THADA: variants seen among roughly 807,000 people sequenced by gnomAD.
The protein encoded by THADA is THADA armadillo repeat containing.
A neutral mutation model predicts 219.8 loss-of-function variants in THADA; 213 were observed. The ratio of observed to expected loss-of-function variants is 0.97; its 90% CI spans 0.87 to 1.09. The LOEUF (loss-of-function observed/expected upper bound fraction) is 1.09. Among genes scored for constraint, THADA ranks in the 50% least tolerant of loss-of-function variants. The probability of loss-of-function intolerance (pLI) is 0.00; values close to 1 mark genes in which losing one functional copy is unlikely to be tolerated. For synonymous variants in THADA, 1,018 were observed against 828.9 expected (o/e 1.23, Z -3.92); for missense variants, 2,956 against 2,311.3 (o/e 1.28, Z -5.72).
chr2:43,562,687 T>C (rs1698213889), intron 15 of THADA: 1 of 152,172 alleles, frequency 6.6e-6, no homozygotes, highest in African/African-American at 2.4e-5. Context: ...GCTTTGTAGA[T>C]TTCACCAGAG....
chr2:43,401,525 G>A (rs1328911795), intron 28 of THADA, among the ~76,000 whole-genome samples: 4 of 152,080 alleles, frequency 2.6e-5, no homozygotes, highest in Non-Finnish European at 2.9e-5. Flanking sequence ...TGATCCACTC[G>A]CCTCAGCCTC....
chr2:43,458,429 T>C (rs1683264456), intron 26 of THADA, among the ~76,000 whole-genome samples: 1 of 152,312 alleles, frequency 6.6e-6, no homozygotes, highest in East Asian at 1.9e-4. Context: ...CTTCTGAGCC[T>C]CAGTTTCCTC....
chr2:43,571,872 A>T lies in THADA; in HGVS notation c.1909-10T>A. On this transcript the variant is annotated splice_polypyrimidine_tract_variant and intron_variant, in intron 12 of 37. Coordinates refer to ENST00000405975, the MANE Select transcript of THADA (RefSeq NM_022065.5). Reference sequence around the variant, plus strand: ...ATGTATCTATCCTTACCTAAAAAACATCAAGCAATAAAATGTTAATTTTCC... The same window carrying T: ...ATGTATCTATCCTTACCTAAAAAACTTCAAGCAATAAAATGTTAATTTTCC... 3.7e-6 allele frequency: 6 copies of T among 1,610,664 alleles called. No individual in the cohort carries two copies. Among genetic ancestry groups the T allele is most frequent in the Non-Finnish European group, 5.1e-6 (6 of 1,178,562 alleles).
At chr2:43,236,651 C>T (rs1053204815) in intron 36 of THADA, among the ~76,000 whole-genome samples, 2 of 152,008 alleles carry the variant, frequency 1.3e-5, no homozygotes. Flanking sequence ...GAGACAAGAC[C>T]GTGTTGCTAC....
At chr2:43,548,804 T>C (rs1696387770) in intron 20 of THADA, among the ~76,000 whole-genome samples, 1 of 152,240 alleles carries the variant, frequency 6.6e-6, no homozygotes, top group Non-Finnish European at 1.5e-5. Flanking sequence ...GGGAACTCCC[T>C]GACCCCTTGC....
intron 12 of THADA, 69 bp from the exon 13 acceptor site, chr2:43,571,931 C>T (rs3752355): frequency 0.66 from 983,667 of 1,479,926 alleles, 335,004 homozygotes; most frequent in African/African-American, 0.88. Flanking sequence ...ACTTGAATTG[C>T]TTACTTACAT....
intron 31 of THADA, among the ~76,000 whole-genome samples, chr2:43,310,639 AG>A (rs1677398566): frequency 6.6e-6 from 1 of 152,248 alleles, no homozygotes; most frequent in Non-Finnish European, 1.5e-5. Context: ...AAACTTCCAG[AG>A]GAAAACATGG....
chr2:43,256,499 C>T (rs1206175266), intron 36 of THADA, among the ~76,000 whole-genome samples: 1 of 152,010 alleles, frequency 6.6e-6, no homozygotes, highest in East Asian at 1.9e-4. Flanking sequence ...GCCTCGACCT[C>T]CTAGTGGGCT....
chr2:43,421,014 C>T (rs948811607), intron 28 of THADA, among the ~76,000 whole-genome samples: 2 of 152,184 alleles, frequency 1.3e-5, no homozygotes, highest in South Asian at 4.1e-4. Flanking sequence ...GCTTCTAGAT[C>T]CTCCCTATAT....
rs867432362 is a variant in THADA, at chr2:43,425,446, A to G, written c.4058+2654T>C. Among the ~76,000 whole-genome samples the G allele has an allele frequency of 1.5e-3, 217 of 140,516 alleles. 2 individuals carry two copies. In the South Asian group the frequency reaches 0.018, roughly 12 times the overall value. The allele number at this position is 140,516 out of a possible 152,430, so 92.2% of individuals were successfully genotyped here. A position where few individuals can be genotyped will look rare whatever the true frequency, so the allele number is the denominator to read the frequency against. ...CTACTGTCTAGCTTGTTAAAATTGT[A>G]TGTGTGTGTGTGTGTGTGTGTGTGT... On this transcript the variant is annotated intron_variant, in intron 28 of 37. Coordinates refer to ENST00000405975, the MANE Select transcript of THADA (RefSeq NM_022065.5).
At chr2:43,240,351 G>A (rs751201143) in intron 36 of THADA, among the ~76,000 whole-genome samples, 2 of 152,302 alleles carry the variant, frequency 1.3e-5, no homozygotes, top group African/African-American at 2.4e-5. Context: ...TCATGAGGCC[G>A]TTTCCAGATA....
chr2:43,469,636 C>T (rs1289975229), intron 26 of THADA, among the ~76,000 whole-genome samples: 2 of 152,052 alleles, frequency 1.3e-5, no homozygotes, highest in Non-Finnish European at 2.9e-5. Flanking sequence ...TATTCTTTAA[C>T]CCAGCATTTT....
chr2:43,469,690 C>T (rs1271859114), intron 26 of THADA, among the ~76,000 whole-genome samples: 2 of 152,114 alleles, frequency 1.3e-5, no homozygotes, highest in Non-Finnish European at 2.9e-5. Context: ...AAAAAACATG[C>T]CTCTCTCTGC....
intron 26 of THADA, among the ~76,000 whole-genome samples, chr2:43,446,138 T>G (rs544880970): frequency 6.6e-6 from 1 of 152,362 alleles, no homozygotes; most frequent in South Asian, 2.1e-4. Context: ...GGAATTCTTT[T>G]TTAGAAAATG....
chr2:43,449,830 T>C (rs1682089231), intron 26 of THADA, among the ~76,000 whole-genome samples: 1 of 152,182 alleles, frequency 6.6e-6, no homozygotes, highest in Admixed American at 6.5e-5. Context: ...AGCCAATTTC[T>C]TATAAACTTT....
chr2:43,528,692 T>C (rs1021517928), intron 21 of THADA, among the ~76,000 whole-genome samples: 5 of 152,216 alleles, frequency 3.3e-5, no homozygotes, highest in South Asian at 2.1e-4. Flanking sequence ...TTTTCTGTTA[T>C]AGCTCATGTT....
chr2:43,404,185 A>G (rs537238111), intron 28 of THADA, among the ~76,000 whole-genome samples: 6 of 151,998 alleles, frequency 3.9e-5, no homozygotes, highest in Non-Finnish European at 8.8e-5. Context: ...CTTCTGAACT[A>G]TGCTAAGGTA....
chr2:43,442,861 T>C (rs1681022748), intron 26 of THADA, among the ~76,000 whole-genome samples: 1 of 152,128 alleles, frequency 6.6e-6, no homozygotes, highest in Non-Finnish European at 1.5e-5. Context: ...TTGTGGCAAA[T>C]ATTGTACTTT....
intron 31 of THADA, among the ~76,000 whole-genome samples, chr2:43,295,894 T>C (rs950399403): frequency 1.5e-4 from 23 of 150,194 alleles, no homozygotes; most frequent in Non-Finnish European, 3.2e-4. Flanking sequence ...GGCCACCATC[T>C]GGGGCTGCAG....
Sources: gnomAD v4.1 joint callset for allele counts (sites outside exome capture counted in the v4.1 genomes callset) on GRCh38, gnomAD v4.1.1 for gene constraint, MANE v1.5 for transcripts, NCBI Gene and HGNC (gene_info 2026-07-23, HGNC 2026-07-21) for gene names.